Variants in NLGN4X observed in about 807,000 individuals in gnomAD.
NLGN4X encodes the protein neuroligin 4 X-linked.
Under a neutral mutation model 40.3 loss-of-function variants are expected in NLGN4X, and 3 were observed. The observed-to-expected ratio is 0.07, with a 90% CI of 0.03 to 0.19. NLGN4X has a LOEUF of 0.19. Ranked by LOEUF, NLGN4X falls within the 10% of genes least tolerant of loss-of-function variation. NLGN4X has a pLI of 1.00. For synonymous variants in NLGN4X, 270 were observed against 306.8 expected (o/e 0.88, Z 1.25); for missense variants, 382 against 708.3 (o/e 0.54, Z 5.23).
At chrX:5,992,783 G>A (rs758140876) in intron 3 of NLGN4X, among the ~76,000 whole-genome samples, 8 of 109,771 alleles carry the variant, frequency 7.3e-5, no homozygotes, top group Non-Finnish European at 1.5e-4. Context: ...AAGAGAGAGA[G>A]GAGAGGAAGG....
chrX:5,969,135 A>G (rs1374679838), intron 3 of NLGN4X, among the ~76,000 whole-genome samples: 1 of 110,311 alleles, frequency 9.1e-6, no homozygotes, highest in Non-Finnish European at 1.9e-5. Context: ...TGTCTAAAAC[A>G]CCAAAAGCAA....
chrX:5,969,726 T>C (rs1447734686), intron 3 of NLGN4X, among the ~76,000 whole-genome samples: 1 of 110,436 alleles, frequency 9.1e-6, no homozygotes, highest in East Asian at 2.9e-4. Context: ...CATGCACACG[T>C]ATGTTTATTG....
chrX:5,974,307 A>T (rs1425176999), intron 3 of NLGN4X, among the ~76,000 whole-genome samples: 1 of 112,239 alleles, frequency 8.9e-6, no homozygotes, highest in Non-Finnish European at 1.9e-5. Flanking sequence ...TTTGCAGCAC[A>T]TTTGTAGATG....
intron 1 of NLGN4X, among the ~76,000 whole-genome samples, chrX:6,166,268 T>G (rs774297961): frequency 4.5e-5 from 5 of 111,470 alleles, no homozygotes; most frequent in African/African-American, 1.6e-4. Context: ...ATTTTTTATT[T>G]TATTGATTGT....
At chrX:5,901,674 GTGTT>G (rs1267851749) in intron 5 of NLGN4X, among the ~76,000 whole-genome samples, 1 of 110,005 alleles carries the variant, frequency 9.1e-6, no homozygotes, top group Non-Finnish European at 1.9e-5. Flanking sequence ...TTGTGTGTGT[GTGTT>G]TATGTATGCA....
chrX:5,936,627 T>C (rs2146887057), intron 3 of NLGN4X, among the ~76,000 whole-genome samples: 1 of 112,035 alleles, frequency 8.9e-6, no homozygotes, highest in African/African-American at 3.2e-5. Flanking sequence ...TCTGATGTAT[T>C]GGCTATGTTA....
intron 1 of NLGN4X, among the ~76,000 whole-genome samples, chrX:6,205,268 T>C (rs1466489150): frequency 8.9e-6 from 1 of 111,910 alleles, no homozygotes; most frequent in Non-Finnish European, 1.9e-5. Flanking sequence ...ATTTATGCTA[T>C]TGCTTGATAA....
chrX:6,037,556 T>C (rs146335471), intron 2 of NLGN4X, among the ~76,000 whole-genome samples: 1,702 of 111,176 alleles, frequency 0.015, 26 homozygotes, highest in Non-Finnish European at 0.021. Flanking sequence ...AAGGAAATAA[T>C]AGAACCAAAA....
intron 2 of NLGN4X, among the ~76,000 whole-genome samples, chrX:6,069,997 C>A (rs896069770): frequency 8.9e-6 from 1 of 111,865 alleles, no homozygotes; most frequent in Non-Finnish European, 1.9e-5. Flanking sequence ...GTAGCTGGGT[C>A]AAGCTCATTG....
rs1198794935 is a variant in NLGN4X, at chrX:5,998,713, T to TG, written c.625+30566dup. 7.1e-5 allele frequency among the ~76,000 whole-genome samples: 8 copies of TG among 112,013 alleles called. No homozygotes were observed. In the South Asian group the frequency reaches 1.1e-3, roughly 16 times the overall value. Reference sequence around the variant, plus strand: ...CCCATGGCAGTTGCATTTTAAACACTGGGGAAAAAAAAGAGGAAAAAAAGA... The same window carrying TG: ...CCCATGGCAGTTGCATTTTAAACACTGGGGGAAAAAAAAGAGGAAAAAAAGA... On this transcript the variant is annotated intron_variant, in intron 3 of 5. Transcript: ENST00000381095.
At chrX:6,110,726 C>T (rs1302878290) in intron 2 of NLGN4X, among the ~76,000 whole-genome samples, 1 of 111,635 alleles carries the variant, frequency 9.0e-6, no homozygotes, top group Non-Finnish European at 1.9e-5. Flanking sequence ...TTGTAATATC[C>T]ACCCAAGAGA....
chrX:6,198,343 C>A (rs1378728910), intron 1 of NLGN4X, among the ~76,000 whole-genome samples: 1 of 111,629 alleles, frequency 9.0e-6, no homozygotes, highest in Admixed American at 9.5e-5. Flanking sequence ...TAAGATATAA[C>A]GATATAAATA....
intron 4 of NLGN4X, among the ~76,000 whole-genome samples, chrX:5,906,529 T>C (rs976642232): frequency 2.8e-4 from 31 of 111,228 alleles, no homozygotes; most frequent in African/African-American, 8.5e-4. Context: ...TGTATGTATG[T>C]ATGTTGAGAC....
intron 2 of NLGN4X, among the ~76,000 whole-genome samples, chrX:6,050,596 T>C (rs1198542324): frequency 5.6e-5 from 5 of 88,706 alleles, no homozygotes; most frequent in East Asian, 3.2e-4. Flanking sequence ...CTATCATTTA[T>C]CTATCCATCT....
intron 3 of NLGN4X, among the ~76,000 whole-genome samples, chrX:5,951,780 CCTTCCAAAGCCCCA>C (rs1195766617): frequency 1.3e-4 from 15 of 111,169 alleles, no homozygotes; most frequent in Non-Finnish European, 7.5e-5. Flanking sequence ...TCTCCAAATA[CCTTCCAAAGCCCCA>C]CTTCCAAATA....
At chrX:6,205,456 G>T (rs1250658267) in intron 1 of NLGN4X, among the ~76,000 whole-genome samples, 1 of 112,067 alleles carries the variant, frequency 8.9e-6, no homozygotes, top group Non-Finnish European at 1.9e-5. Flanking sequence ...GGTTAAAGAG[G>T]GTCGCATTAA....
chrX:6,088,864 T>C (rs2038565310), intron 2 of NLGN4X, among the ~76,000 whole-genome samples: 1 of 112,110 alleles, frequency 8.9e-6, no homozygotes, highest in African/African-American at 3.2e-5. Flanking sequence ...GTACATAAAC[T>C]GTAAGTTCCC....
intron 3 of NLGN4X, among the ~76,000 whole-genome samples, chrX:5,925,881 C>CACATAT (rs2033272520): frequency 5.1e-5 from 1 of 19,514 alleles, no homozygotes; most frequent in African/African-American, 1.3e-4. Flanking sequence ...TACATACACA[C>CACATAT]ATATATATAT....
At chrX:5,972,788 T>G (rs767619385) in intron 3 of NLGN4X, among the ~76,000 whole-genome samples, 1 of 109,205 alleles carries the variant, frequency 9.2e-6, no homozygotes, top group African/African-American at 3.3e-5. Flanking sequence ...CGGGGATGTC[T>G]CTTGAAGCCA....
Sources: gnomAD v4.1 joint callset for allele counts (sites outside exome capture counted in the v4.1 genomes callset) on GRCh38, gnomAD v4.1.1 for gene constraint, MANE v1.5 for transcripts, NCBI Gene and HGNC (gene_info 2026-07-23, HGNC 2026-07-21) for gene names.